PPRC1: variants seen among roughly 807,000 people sequenced by gnomAD.
PPRC1 encodes PPARG related coactivator 1, also known as peroxisome proliferator-activated receptor gamma coactivator-related protein 1.
PPRC1 carries 23 observed loss-of-function variants against 132.5 expected under a neutral mutation model. The observed-to-expected ratio is 0.17, with a 90% CI of 0.12 to 0.25. PPRC1 has a LOEUF of 0.25. Among genes scored for constraint, PPRC1 ranks in the 10% least tolerant of loss-of-function variants. The pLI is 1.00. For synonymous variants in PPRC1, 872 were observed against 833.5 expected (o/e 1.05, Z -0.80); for missense variants, 2,006 against 2,089.1 (o/e 0.96, Z 0.78).
intron 8 of PPRC1, among the ~76,000 whole-genome samples, chr10:102,145,603 G>A (rs1200850170): frequency 6.6e-6 from 1 of 150,558 alleles, no homozygotes; most frequent in African/African-American, 2.5e-5. Context: ...GGTGGCCCAC[G>A]CCTGTAATCC....
chr10:102,135,295 C>T (rs574259706), intron 1 of PPRC1, among the ~76,000 whole-genome samples: 7 of 152,218 alleles, frequency 4.6e-5, no homozygotes, highest in South Asian at 4.1e-4. Context: ...ACCTGTACTA[C>T]AGAGTAGTGG....
chr10:102,136,917 T>A (rs1248670513), intron 1 of PPRC1, among the ~76,000 whole-genome samples: 1 of 152,210 alleles, frequency 6.6e-6, no homozygotes, highest in African/African-American at 2.4e-5. Context: ...TAGAGGAGTG[T>A]GGGGCGGGGC....
chr10:102,146,989 C>T lies in PPRC1; in HGVS notation c.3997C>T (p.Pro1333Ser), dbSNP rs750792038. The T allele has an allele frequency of 2.5e-6, 4 of 1,614,018 alleles. No individual in the cohort carries two copies. Among genetic ancestry groups the T allele is most frequent in the Non-Finnish European group, 3.4e-6 (4 of 1,180,020 alleles). Residue 1333 changes from proline to serine, a missense_variant, in exon 9 of 14, where the codon CCT (proline) becomes TCT (serine). Pro to Ser is a moderately conservative substitution (Grantham distance 74). Coordinates refer to ENST00000278070, the MANE Select transcript of PPRC1 (RefSeq NM_015062.5). The part of the protein sequence containing the change: ...VKRHQDITIK[P>S]VLSLGPAAPP... ...GCGCCATCAGGACATCACCATCAAA[C>T]CTGTCTTGTCCTTGGGCCCAGCTGC... is the stretch of plus-strand genomic sequence containing the variant.
At chr10:102,127,784 T>C in the PPRC1 span, among the ~76,000 whole-genome samples, 1 of 151,634 alleles carries the variant, frequency 6.6e-6, no homozygotes, top group African/African-American at 2.4e-5. Context: ...ACTCCTGAGC[T>C]CAGGCAATCT....
chr10:102,138,538 T>C lies in PPRC1; in HGVS notation c.343-81T>C, dbSNP rs1590326335. The C allele has an allele frequency of 2.7e-6, 4 of 1,503,232 alleles. No individual in the cohort carries two copies. In the East Asian group the frequency reaches 6.8e-5, roughly 26 times the overall value. The allele number at this position is 1,503,232 out of a possible 1,614,324, so 93.1% of individuals were successfully genotyped here. A position where few individuals can be genotyped will look rare whatever the true frequency, so the allele number is the denominator to read the frequency against. On this transcript the variant is annotated intron_variant, in intron 2 of 13. Coordinates refer to ENST00000278070, the MANE Select transcript of PPRC1 (RefSeq NM_015062.5). ...AGCTGAGTTGAACCTGGGAGACTGA[T>C]TCTCTCGATATCCAGTCCTTAGTGG...
chr10:102,146,589 G>C, intron 8 of PPRC1, 83 bp from the exon 9 acceptor site: 1 of 1,484,182 alleles, frequency 6.7e-7, no homozygotes, highest in Non-Finnish European at 8.9e-7. Flanking sequence ...TGAGGTGGGG[G>C]TCTCTGGAGG....
upstream of PPRC1, among the ~76,000 whole-genome samples, chr10:102,130,996 T>C (rs2068530845): frequency 6.6e-6 from 1 of 151,710 alleles, no homozygotes; most frequent in African/African-American, 2.4e-5. Flanking sequence ...ATCGAGACCG[T>C]CCTGGCCAAC....
Position 102,140,932 on chromosome 10 carries a change from G to A in PPRC1, c.2424G>A (p.Gln808=). ...CCCCAGCCAAGAAGACAGCTCTGCA[G>A]AGAAGCCCTGAAACACCCCTTGAGA... The part of the protein sequence containing the change: ...PPAPAKKTAL[Q]RSPETPLEIC... Residue 808 remains glutamine, a synonymous_variant, in exon 5 of 14, where the codon CAG becomes CAA. Transcript: ENST00000278070. 1 of 1,613,996 alleles carries A rather than the reference G, an allele frequency of 6.2e-7. No individual in the cohort carries two copies. The highest frequency in any genetic ancestry group is 2.2e-5 in the East Asian group (1 of 44,876).
the PPRC1 span, among the ~76,000 whole-genome samples, chr10:102,127,836 G>A: frequency 6.6e-6 from 1 of 152,094 alleles, no homozygotes; most frequent in Non-Finnish European, 1.5e-5. Context: ...ACAGGCGTGA[G>A]CCACCGAGCC....
chr10:102,140,659 C>T lies in PPRC1; in HGVS notation c.2151C>T (p.Asp717=). ...PQLLVESESL[D]PPKTIIPEVK... is the part of the protein sequence containing the mutation. ...TCCTCGTGGAGTCAGAGTCCTTGGA[C>T]CCACCAAAGACCATCATCCCTGAAG... The change falls in exon 5 of 14, where the codon GAC becomes GAT. Residue 717 remains aspartate, a synonymous_variant. Transcript: ENST00000278070. 1 of 1,614,068 alleles carries T rather than the reference C, an allele frequency of 6.2e-7. No individual in the cohort carries two copies.
chr10:102,127,061 ATATAT>A, the PPRC1 span, among the ~76,000 whole-genome samples: 7 of 87,014 alleles, frequency 8.0e-5, no homozygotes, highest in Non-Finnish European at 1.5e-4. Flanking sequence ...ATATATATAT[ATATAT>A]ATAAATTAAA....
chr10:102,138,284 C>T (rs2068799804), intron 2 of PPRC1, among the ~76,000 whole-genome samples: 2 of 152,172 alleles, frequency 1.3e-5, no homozygotes, highest in South Asian at 4.1e-4. Context: ...CTGTCTGGGC[C>T]CCTGAACTAC....
At chr10:102,138,564 C>T (rs886933284) in intron 2 of PPRC1, 55 bp from the exon 3 acceptor site, 11 of 1,589,796 alleles carry the variant, frequency 6.9e-6, no homozygotes, top group South Asian at 1.1e-5. Flanking sequence ...TCCTTAGTGG[C>T]ATAGTAGGTC....
Position 102,146,716 on chromosome 10 carries a change from CT to C in PPRC1, c.3725del (p.Leu1242ArgfsTer22). 1 of 1,613,812 alleles carries C rather than the reference CT, an allele frequency of 6.2e-7. No individual in the cohort carries two copies. Among genetic ancestry groups the C allele is most frequent in the Non-Finnish European group, 8.5e-7 (1 of 1,179,876 alleles). On this transcript the variant is annotated frameshift_variant, in exon 9 of 14. Coordinates refer to ENST00000278070, the MANE Select transcript of PPRC1 (RefSeq NM_015062.5). LOFTEE classifies it high-confidence loss of function. Reference sequence around the variant, plus strand: ...CCCTCCCCACCAGTTATGGAAGCCCCTGGCTGCTGTCTCACTGCTGGCCAAA... The same window carrying C: ...CCCTCCCCACCAGTTATGGAAGCCCCGGCTGCTGTCTCACTGCTGGCCAAA... ...ATPPHQLWKP[L>X]AAVSLLAKAK...
At chr10:102,119,997 C>T in the PPRC1 span, 1 of 1,070,180 alleles carries the variant, frequency 9.3e-7, no homozygotes, top group South Asian at 1.7e-5. Flanking sequence ...CATCGACGCC[C>T]CCCACACAAG....
At chr10:102,144,131 C>T (rs1051155157) in intron 6 of PPRC1, 119 bp from the exon 7 acceptor site, 31 of 928,460 alleles carry the variant, frequency 3.3e-5, no homozygotes, top group Non-Finnish European at 4.6e-5. Flanking sequence ...GGGGAGATCC[C>T]AACAGGGAAT....
the PPRC1 span, among the ~76,000 whole-genome samples, chr10:102,122,039 T>TG: frequency 1.2e-3 from 181 of 152,184 alleles, no homozygotes; most frequent in African/African-American, 4.0e-3. Flanking sequence ...GTGCTTAGGA[T>TG]GGGGGATAGG....
chr10:102,130,033 A>C (rs2133565504), upstream of PPRC1, among the ~76,000 whole-genome samples: 1 of 152,364 alleles, frequency 6.6e-6, no homozygotes, highest in East Asian at 1.9e-4. Flanking sequence ...TATTTTATAC[A>C]GAAAACTGTG....
intron 12 of PPRC1, 22 bp from the exon 13 acceptor site, chr10:102,149,155 CT>C: frequency 6.4e-7 from 1 of 1,562,526 alleles, no homozygotes; most frequent in South Asian, 1.2e-5. Context: ...ACTCCAGCCC[CT>C]GCCTCACTCT....
Sources: gnomAD v4.1 joint callset for allele counts (sites outside exome capture counted in the v4.1 genomes callset) on GRCh38, gnomAD v4.1.1 for gene constraint, MANE v1.5 for transcripts, NCBI Gene and HGNC (gene_info 2026-07-23, HGNC 2026-07-21) for gene names.